Variants in ALK observed in about 807,000 individuals in gnomAD.
The protein encoded by ALK is ALK tyrosine kinase receptor.
ALK carries 74 observed loss-of-function variants against 163.1 expected under a neutral mutation model. That is an observed-to-expected ratio of 0.45 (90% CI 0.38 to 0.55). The LOEUF is 0.55. ALK is among the 20% of genes least tolerant of loss of function. The probability of loss-of-function intolerance (pLI) is 0.00; values close to 1 mark genes in which losing one functional copy is unlikely to be tolerated. For synonymous variants in ALK, 960 were observed against 843.2 expected (o/e 1.14, Z -2.40); for missense variants, 2,063 against 2,105.3 (o/e 0.98, Z 0.39).
intron 1 of ALK, among the ~76,000 whole-genome samples, chr2:29,827,753 A>AT (rs1332372856): frequency 1.3e-5 from 2 of 152,226 alleles, no homozygotes; most frequent in Non-Finnish European, 2.9e-5. Context: ...AAGGTAATCT[A>AT]TAGATTCAAT....
intron 3 of ALK, among the ~76,000 whole-genome samples, chr2:29,537,574 C>T (rs966973110): frequency 6.6e-6 from 1 of 152,226 alleles, no homozygotes; most frequent in East Asian, 1.9e-4. Flanking sequence ...CAAAGAAACT[C>T]TACTAGGTCC....
intron 4 of ALK, among the ~76,000 whole-genome samples, chr2:29,472,322 G>C (rs1671366550): frequency 6.6e-6 from 1 of 152,196 alleles, no homozygotes; most frequent in African/African-American, 2.4e-5. Flanking sequence ...ACTGTACCTT[G>C]TCTAAATTCC....
chr2:29,482,076 C>G (rs1356563176), intron 4 of ALK, among the ~76,000 whole-genome samples: 2 of 152,160 alleles, frequency 1.3e-5, no homozygotes, highest in Non-Finnish European at 2.9e-5. Flanking sequence ...AAGTGCAAAC[C>G]TGTAGTATAT....
At chr2:29,402,424 C>A (rs1298880583) in intron 4 of ALK, among the ~76,000 whole-genome samples, 1 of 152,248 alleles carries the variant, frequency 6.6e-6, no homozygotes, top group Non-Finnish European at 1.5e-5. Flanking sequence ...GATCCCAACT[C>A]AAGAGCCAGA....
At chr2:29,730,389 G>A (rs886927651) in intron 1 of ALK, among the ~76,000 whole-genome samples, 4 of 152,164 alleles carry the variant, frequency 2.6e-5, no homozygotes, top group African/African-American at 7.2e-5. Context: ...AGGAGGTACA[G>A]TACATTGATT....
intron 1 of ALK, among the ~76,000 whole-genome samples, chr2:29,895,256 G>T (rs899937314): frequency 6.6e-6 from 1 of 152,166 alleles, no homozygotes; most frequent in Admixed American, 6.5e-5. Flanking sequence ...CTCCTCCCCA[G>T]CACTCTGCAC....
At chr2:29,514,469 T>G (rs544682242) in intron 4 of ALK, among the ~76,000 whole-genome samples, 1 of 152,290 alleles carries the variant, frequency 6.6e-6, no homozygotes, top group South Asian at 2.1e-4. Flanking sequence ...CCTAGACCTT[T>G]TAATACACTC....
chr2:29,366,226 C>G (rs1412211592), intron 5 of ALK, among the ~76,000 whole-genome samples: 2 of 152,180 alleles, frequency 1.3e-5, no homozygotes, highest in Non-Finnish European at 2.9e-5. Flanking sequence ...GGAACAGACC[C>G]TGTGGGCTGG....
intron 3 of ALK, among the ~76,000 whole-genome samples, chr2:29,622,992 G>A (rs914257051): frequency 3.3e-5 from 5 of 152,084 alleles, no homozygotes; most frequent in Admixed American, 6.6e-5. Flanking sequence ...TGTGAGACGC[G>A]GTCCCTGGCA....
At chr2:29,383,390 C>T (rs936673558) in intron 5 of ALK, among the ~76,000 whole-genome samples, 1 of 151,780 alleles carries the variant, frequency 6.6e-6, no homozygotes, top group Non-Finnish European at 1.5e-5. Context: ...AATCTTGGCT[C>T]GCTGTGACCT....
At chr2:29,792,786 C>T (rs1558490427) in intron 1 of ALK, among the ~76,000 whole-genome samples, 1 of 25,604 alleles carries the variant, frequency 3.9e-5, no homozygotes, top group Admixed American at 5.2e-4. Flanking sequence ...TATGCAATAG[C>T]ATAATCTCTA....
intron 6 of ALK, 116 bp downstream of exon 6, chr2:29,328,234 A>G: frequency 6.8e-7 from 1 of 1,466,092 alleles, no homozygotes; most frequent in Non-Finnish European, 9.5e-7. Context: ...GAGGAGTCAC[A>G]AGTGTCAGTG....
intron 1 of ALK, among the ~76,000 whole-genome samples, chr2:29,893,708 A>C (rs577111080): frequency 6.6e-6 from 1 of 152,294 alleles, no homozygotes; most frequent in African/African-American, 2.4e-5. Context: ...AGTTACGTAG[A>C]TTACTGTTTC....
intron 4 of ALK, among the ~76,000 whole-genome samples, chr2:29,386,526 T>C (rs1669036059): frequency 6.6e-6 from 1 of 152,186 alleles, no homozygotes. Flanking sequence ...GGAAAGATAG[T>C]GGTGAAAGGC....
intron 3 of ALK, among the ~76,000 whole-genome samples, chr2:29,694,430 T>C (rs999287710): frequency 7.9e-5 from 12 of 152,224 alleles, no homozygotes; most frequent in African/African-American, 2.7e-4. Context: ...TTTTGTAAAA[T>C]TGGAGTAGTT....
At chr2:29,523,914 G>A (rs1005352881) in intron 4 of ALK, among the ~76,000 whole-genome samples, 16 of 124,478 alleles carry the variant, frequency 1.3e-4, no homozygotes, top group Non-Finnish European at 1.4e-4. Flanking sequence ...GAAAGCAATC[G>A]TGAGTAAAAG....
chr2:29,579,510 G>C (rs1448629559), intron 3 of ALK, among the ~76,000 whole-genome samples: 1 of 152,192 alleles, frequency 6.6e-6, no homozygotes, highest in East Asian at 1.9e-4. Flanking sequence ...TGATTTTTAT[G>C]TGCATTGTTA....
At chr2:29,209,210 C>T (rs1364579066) in intron 25 of ALK, among the ~76,000 whole-genome samples, 5 of 152,238 alleles carry the variant, frequency 3.3e-5, no homozygotes, top group Admixed American at 3.3e-4. Context: ...CAGAGCATGG[C>T]CAGATTACAG....
intron 4 of ALK, among the ~76,000 whole-genome samples, chr2:29,508,696 TA>T (rs56010037): frequency 0.74 from 88,363 of 118,828 alleles, 31,492 homozygotes; most frequent in South Asian, 0.82. Flanking sequence ...TAGAGTATAA[TA>T]AAAAAAAAAC....
Sources: allele counts gnomAD v4.1 joint callset (sites outside exome capture counted in the v4.1 genomes callset), GRCh38; gene constraint gnomAD v4.1.1; transcripts MANE v1.5; gene names NCBI Gene and HGNC (gene_info 2026-07-23, HGNC 2026-07-21).